Variants in NCOR2 observed in about 807,000 individuals in gnomAD.
NCOR2 encodes the protein CTG repeat protein 26.
A neutral mutation model predicts 262.9 loss-of-function variants in NCOR2; 81 were observed. That is an observed-to-expected ratio of 0.31 (90% CI 0.26 to 0.37). The LOEUF (loss-of-function observed/expected upper bound fraction) is 0.37. Among genes scored for constraint, NCOR2 ranks in the 10% least tolerant of loss-of-function variants. The pLI is 1.00. For missense variants in NCOR2, 3,385 were observed against 3,621.4 expected (o/e 0.93, Z 1.68); for synonymous variants, 1,659 against 1,559.3 (o/e 1.06, Z -1.51).
intron 17 of NCOR2, among the ~76,000 whole-genome samples, chr12:124,383,938 C>A (rs575640128): frequency 1.8e-4 from 27 of 151,918 alleles, no homozygotes; most frequent in African/African-American, 6.5e-4. Context: ...CCACACCCTG[C>A]GGAAGCCTGG....
intron 13 of NCOR2, among the ~76,000 whole-genome samples, chr12:124,416,620 G>A (rs983407093): frequency 7.1e-6 from 1 of 140,154 alleles, no homozygotes; most frequent in South Asian, 2.4e-4. Context: ...GCGGCACAGG[G>A]AGTCCCCGCG....
chr12:124,455,368 G>A lies in NCOR2; in HGVS notation c.762+1738C>T, dbSNP rs571978364. 4.6e-5 allele frequency among the ~76,000 whole-genome samples: 7 copies of A among 152,332 alleles called. 1 individual carries two copies. The highest frequency in any genetic ancestry group is 1.7e-4 in the African/African-American group (7 of 41,578). The stretch of plus-strand genomic sequence containing the variant: ...TAGGCCAGAGCTCACCACCCAGATC[G>A]CCCAGGCCCGAGGATGTGCCTGGAG... On this transcript the variant is annotated intron_variant, in intron 6 of 46. Transcript: ENST00000405201.
At chr12:124,400,032 C>T (rs1199587283) in intron 15 of NCOR2, among the ~76,000 whole-genome samples, 3 of 152,096 alleles carry the variant, frequency 2.0e-5, no homozygotes, top group Non-Finnish European at 2.9e-5. Context: ...GTGGTGGTTA[C>T]TCGGCTCCCA....
exon 17 of NCOR2, chr12:124,385,780 G>A: frequency 1.9e-6 from 3 of 1,614,014 alleles, no homozygotes; most frequent in East Asian, 2.2e-5. Context: ...ATCTCATCGA[G>A]GTTCTGCCTC....
exon 32 of NCOR2, chr12:124,344,863 G>C: frequency 6.4e-7 from 1 of 1,574,426 alleles, no homozygotes; most frequent in Non-Finnish European, 8.6e-7. Context: ...GGGTGGGAAC[G>C]TCCGGCCGGG....
At chr12:124,487,416 C>A (rs905396431) in intron 1 of NCOR2, among the ~76,000 whole-genome samples, 3 of 152,282 alleles carry the variant, frequency 2.0e-5, no homozygotes, top group African/African-American at 7.2e-5. Flanking sequence ...TAATAACACA[C>A]CGTCGTCCAT....
chr12:124,325,310 G>C, exon 47 of NCOR2: 1 of 858,996 alleles, frequency 1.2e-6, no homozygotes, highest in Non-Finnish European at 1.6e-6. Flanking sequence ...TCCTTCCTTG[G>C]TTGGGGGAGT....
intron 1 of NCOR2, among the ~76,000 whole-genome samples, chr12:124,551,912 GC>G (rs1328436438): frequency 6.6e-6 from 1 of 152,228 alleles, no homozygotes; most frequent in Non-Finnish European, 1.5e-5. Context: ...GGGAGACCCA[GC>G]CGGGAGAAAT....
intron 38 of NCOR2, chr12:124,336,340 G>A (rs2035892241): frequency 5.6e-6 from 1 of 178,814 alleles, no homozygotes; most frequent in African/African-American, 2.4e-5. Context: ...CAGGCGCAAA[G>A]AGGGAGATGG....
chr12:124,534,753 C>G (rs1051159125), intron 1 of NCOR2, among the ~76,000 whole-genome samples: 3 of 152,186 alleles, frequency 2.0e-5, no homozygotes, highest in Non-Finnish European at 2.9e-5. Context: ...GCTTCTGGCT[C>G]TTTGCTTCCA....
chr12:124,416,868 ATAGACCCGCCGCACAGG>A (rs756049513), intron 13 of NCOR2, among the ~76,000 whole-genome samples: 20 of 147,822 alleles, frequency 1.4e-4, no homozygotes, highest in Admixed American at 4.0e-4. Flanking sequence ...CGTGGCACAG[ATAGACCCGCCGCACAGG>A]GAGACCCGCG....
intron 1 of NCOR2, among the ~76,000 whole-genome samples, chr12:124,512,924 G>A (rs2049490353): frequency 6.6e-6 from 1 of 152,350 alleles, no homozygotes. Flanking sequence ...GCAGCTCATC[G>A]AGGGGGACCA....
At chr12:124,388,730 T>C (rs1313808597) in intron 16 of NCOR2, 10 of 1,304,004 alleles carry the variant, frequency 7.7e-6, no homozygotes, top group Middle Eastern at 2.1e-4. Flanking sequence ...TCCGGAAACA[T>C]AGGGCTGGGA....
intron 1 of NCOR2, among the ~76,000 whole-genome samples, chr12:124,518,533 G>A (rs763184542): frequency 7.9e-5 from 12 of 152,234 alleles, no homozygotes; most frequent in South Asian, 4.1e-4. Context: ...ACGAGACGTC[G>A]GGCCTCCAGC....
At position 124,362,624 on chromosome 12, in the gene NCOR2, C is replaced by G. The variant is rs1415590638; in HGVS notation, c.2929-327G>C. On this transcript the variant is annotated intron_variant, in intron 21 of 46. Transcript: ENST00000405201. ...CTGCCTGGTGATGGACAGGGGGAGC[C>G]CACCTCCCAAAAAGCCTGGCCCAGC... Among the ~76,000 whole-genome samples, 3 of 149,174 alleles carry G rather than the reference C, an allele frequency of 2.0e-5. No homozygotes were observed. The East Asian group carries it at 6.4e-4, about 32-fold the overall frequency.
At chr12:124,325,716 C>A (rs1052350801) in intron 46 of NCOR2, 133 bp from the exon 49 acceptor site, 3 of 533,950 alleles carry the variant, frequency 5.6e-6, no homozygotes, top group Non-Finnish European at 8.9e-6. Context: ...TTTCTAATTG[C>A]GAACAGGTCT....
intron 7 of NCOR2, among the ~76,000 whole-genome samples, chr12:124,448,842 C>T (rs927813191): frequency 6.6e-6 from 1 of 152,132 alleles, no homozygotes; most frequent in African/African-American, 2.4e-5. Flanking sequence ...CTTGAACAAT[C>T]GGACCGGGCT....
chr12:124,340,095 A>G (rs369062283), exon 37 of NCOR2: 2 of 1,612,788 alleles, frequency 1.2e-6, no homozygotes, highest in Non-Finnish European at 1.7e-6. Context: ...GCTGGAGGGC[A>G]TCCTGGGTCC....
chr12:124,347,305 C>T (rs2037015351), intron 30 of NCOR2: 1 of 172,352 alleles, frequency 5.8e-6, no homozygotes, highest in South Asian at 1.7e-4. Flanking sequence ...AAGGCGGAGG[C>T]TGCAGTGAGC....
Sources: allele counts gnomAD v4.1 joint callset (sites outside exome capture counted in the v4.1 genomes callset), GRCh38; gene constraint gnomAD v4.1.1; transcripts MANE v1.5; gene names NCBI Gene and HGNC (gene_info 2026-07-23, HGNC 2026-07-21).